Variants in NBPF8 observed in about 807,000 individuals in gnomAD.
NBPF8 encodes NBPF family member NBPF8.
intron 1 of NBPF8, among the ~76,000 whole-genome samples, chr1:120,420,383 A>C (rs1660540315): frequency 7.3e-6 from 1 of 137,484 alleles, no homozygotes; most frequent in Non-Finnish European, 1.6e-5. Context: ...CTTAGTAGCT[A>C]GATCTACATC....
chr1:120,452,354 T>G (rs1441162579), intron 13 of NBPF8, 23 bp downstream of exon 11: 15 of 1,243,616 alleles, frequency 1.2e-5, no homozygotes, highest in African/African-American at 3.2e-5. Context: ...TAGGCCCTGA[T>G]GACCCAAAAT....
chr1:120,427,988 C>T (rs1256395740), intron 3 of NBPF8, among the ~76,000 whole-genome samples, 141 bp downstream of exon 3: 1 of 152,126 alleles, frequency 6.6e-6, no homozygotes, highest in South Asian at 2.1e-4. Flanking sequence ...ATGATGATGT[C>T]CCTTGTTCAA....
intron 1 of NBPF8, among the ~76,000 whole-genome samples, chr1:120,421,401 CTT>C (rs1168270691): frequency 1.3e-5 from 2 of 151,332 alleles, no homozygotes; most frequent in Admixed American, 1.3e-4. Flanking sequence ...CTCTCCCACT[CTT>C]TTTCTCTCTC....
intron 24 of NBPF8, 134 bp from the exon 23 acceptor site, chr1:120,465,844 T>C (rs1661728480): frequency 6.3e-7 from 1 of 1,590,714 alleles, no homozygotes. Context: ...ATAAAGGCAA[T>C]AATTTGTTAC....
intron 12 of NBPF8, among the ~76,000 whole-genome samples, chr1:120,451,709 T>C (rs1405584467): frequency 1.3e-5 from 2 of 148,946 alleles, no homozygotes; most frequent in Admixed American, 6.8e-5. Flanking sequence ...TTCTTTCGTC[T>C]TTTCAATTCG....
chr1:120,460,646 C>G lies in NBPF8; in HGVS notation n.2836+22C>G, dbSNP rs1661558014. On this transcript the variant is annotated intron_variant and non_coding_transcript_variant, in intron 18 of 24. Transcript: ENST00000583271. The stretch of plus-strand genomic sequence containing the variant: ...CCAGGTGAGTCTGAGAAATTGTGGA[C>G]AGTTAATTTGATGTTGACACCTGGA... The G allele has an allele frequency of 5.3e-6, 6 of 1,121,976 alleles. No homozygotes were observed. The Admixed American group carries it at 8.4e-5, about 16-fold the overall frequency. 69.5% of individuals were successfully genotyped at this position (1,121,976 alleles called of 1,614,324 possible). A position where few individuals can be genotyped will look rare whatever the true frequency, so the allele number is the denominator to read the frequency against.
At chr1:120,417,883 G>T (rs1660472819), upstream of NBPF8, among the ~76,000 whole-genome samples, 1 of 137,354 alleles carries the variant, frequency 7.3e-6, no homozygotes, top group Admixed American at 7.4e-5. Context: ...TTACAGGCAT[G>T]AGCCACCCCA....
rs1313343751 is a variant in NBPF8, at chr1:120,461,441, A to G, written n.3009+15A>G. Reference sequence around the variant, plus strand: ...TGACATGGATGGTGAGTACCTTTCTATGAAGGTGATAAGGATCCACTGAGT... The same window carrying G: ...TGACATGGATGGTGAGTACCTTTCTGTGAAGGTGATAAGGATCCACTGAGT... On this transcript the variant is annotated intron_variant and non_coding_transcript_variant, in intron 19 of 24. Coordinates refer to ENST00000583271, the Ensembl canonical transcript of NBPF8. The G allele has an allele frequency of 6.6e-6, 4 of 608,784 alleles. No homozygotes were observed. The highest frequency in any genetic ancestry group is 1.1e-5 in the Non-Finnish European group (4 of 370,014). 37.7% of individuals were successfully genotyped at this position (608,784 alleles called of 1,614,324 possible). A position where few individuals can be genotyped will look rare whatever the true frequency, so the allele number is the denominator to read the frequency against.
chr1:120,452,095 T>A (rs1661292516), intron 12 of NBPF8, 22 bp from the exon 11 acceptor site: 2 of 1,490,510 alleles, frequency 1.3e-6, no homozygotes, highest in South Asian at 2.3e-5. Flanking sequence ...ACTCTTAAAT[T>A]TTCTCTACCG....
In NBPF8 at chr1:120,465,929, G is replaced by T. The variant is rs1460478226; in HGVS notation, n.3569-49G>T. The T allele has an allele frequency of 5.6e-6, 9 of 1,611,602 alleles. No homozygotes were observed. In the East Asian group the frequency reaches 1.3e-4, roughly 24 times the overall value. On this transcript the variant is annotated intron_variant and non_coding_transcript_variant, in intron 24 of 24. Coordinates refer to ENST00000583271, the Ensembl canonical transcript of NBPF8. ...CTTCTGAAATCTAGTGGGGCTCTGT[G>T]GTGTCTGATTTTCCCTGGCTGCTTC...
chr1:120,464,715 A>G (rs1661697036), intron 23 of NBPF8, among the ~76,000 whole-genome samples, 167 bp downstream of exon 21: 4 of 143,544 alleles, frequency 2.8e-5, no homozygotes, highest in African/African-American at 1.0e-4. Flanking sequence ...GGAAGCCCAG[A>G]CAAGGGATGG....
chr1:120,422,602 G>A (rs1307579553), intron 1 of NBPF8, among the ~76,000 whole-genome samples: 4,258 of 141,936 alleles, frequency 0.03, 140 homozygotes, highest in Non-Finnish European at 0.042. Context: ...TCATTGTATG[G>A]CTACAACACA....
chr1:120,418,486 A>G (rs1347951468), upstream of NBPF8, among the ~76,000 whole-genome samples: 2 of 148,942 alleles, frequency 1.3e-5, no homozygotes, highest in African/African-American at 2.5e-5. Flanking sequence ...TAAGCCATTT[A>G]AAGGGCCGAC....
exon 1 of NBPF8, chr1:120,436,635 T>G: frequency 6.4e-7 from 1 of 1,569,436 alleles, no homozygotes; most frequent in Non-Finnish European, 8.6e-7. Flanking sequence ...TTCGTAAACC[T>G]CAAAGAGAGA....
chr1:120,436,272 A>C, upstream of NBPF8: 2 of 846,730 alleles, frequency 2.4e-6, no homozygotes, highest in East Asian at 2.6e-5. Context: ...CCTCACTCTT[A>C]TCAGAGTCTG....
At chr1:120,436,395 G>T (rs1384135231) in exon 1 of NBPF8, 13 of 1,393,302 alleles carry the variant, frequency 9.3e-6, no homozygotes, top group Non-Finnish European at 1.2e-5. Flanking sequence ...AGTAAGGTAA[G>T]AATTTCAGTT....
rs1290126645 is a variant in NBPF8 at position 120,454,251 on chromosome 1, T to A, written n.2568+137T>A. The stretch of plus-strand genomic sequence containing the variant: ...TCTAAACAGATATCAGGGAGTTTTT[T>A]TGTCCTTCACAGCTAATGTCATGAC... On this transcript the variant is annotated intron_variant and non_coding_transcript_variant, in intron 15 of 24. Coordinates refer to ENST00000583271, the Ensembl canonical transcript of NBPF8. 4 of 1,555,546 alleles carry A rather than the reference T, an allele frequency of 2.6e-6. No homozygotes were observed. In the Admixed American group the frequency reaches 7.1e-5, roughly 28 times the overall value.
At chr1:120,469,475 G>C (rs1466994402), downstream of NBPF8, among the ~76,000 whole-genome samples, 1 of 143,022 alleles carries the variant, frequency 7.0e-6, no homozygotes, top group African/African-American at 2.6e-5. Flanking sequence ...GCACCCTGGT[G>C]CTCGGTCACA....
At chr1:120,433,593 A>T (rs1322234037), upstream of NBPF8, 6 of 163,066 alleles carry the variant, frequency 3.7e-5, no homozygotes, top group African/African-American at 1.4e-4. Flanking sequence ...TGGTGTGTGT[A>T]TGTGAAGGAA....
Sources: allele counts gnomAD v4.1 joint callset (sites outside exome capture counted in the v4.1 genomes callset), GRCh38; gene constraint gnomAD v4.1.1; transcripts MANE v1.5; gene names NCBI Gene and HGNC (gene_info 2026-07-23, HGNC 2026-07-21).